The following OTUD7A variants were observed in gnomAD, a reference collection of about 807,000 sequenced individuals.
The protein encoded by OTUD7A is OTU domain-containing protein 7A.
Under a neutral mutation model 65.7 loss-of-function variants are expected in OTUD7A, and 12 were observed. That is an observed-to-expected ratio of 0.18 (90% CI 0.12 to 0.30). The LOEUF is 0.30. Ranked by LOEUF, OTUD7A falls within the 10% of genes least tolerant of loss-of-function variation. The pLI is 1.00. For missense variants in OTUD7A, 1,148 were observed against 1,304.8 expected, an observed-to-expected ratio of 0.88 and a Z score of 1.85; for synonymous variants, 641 against 586.3, an observed-to-expected ratio of 1.09 and a Z score of -1.35.
intron 1 of OTUD7A, among the ~76,000 whole-genome samples, chr15:31,769,459 A>G (rs1436058555): frequency 6.6e-6 from 1 of 152,232 alleles, no homozygotes; most frequent in African/African-American, 2.4e-5. Context: ...TCTCATTCAT[A>G]GATACTTATT....
intron 8 of OTUD7A, among the ~76,000 whole-genome samples, chr15:31,523,876 G>A (rs1192045352): frequency 6.6e-6 from 1 of 152,256 alleles, no homozygotes; most frequent in East Asian, 1.9e-4. Context: ...TCTTGGAGCA[G>A]GTGAGCTCTG....
chr15:31,863,240 G>A (rs1595823126), intron 1 of OTUD7A, among the ~76,000 whole-genome samples: 2 of 152,312 alleles, frequency 1.3e-5, no homozygotes, highest in Middle Eastern at 3.4e-3. Context: ...GGTGCACGGT[G>A]CAAAGTGTTG....
At chr15:31,604,684 G>A (rs993082473) in intron 3 of OTUD7A, among the ~76,000 whole-genome samples, 1 of 152,228 alleles carries the variant, frequency 6.6e-6, no homozygotes, top group East Asian at 1.9e-4. Context: ...TACATAAAGT[G>A]CATTAAGTTA....
chr15:31,751,997 C>T (rs11637394), intron 1 of OTUD7A, among the ~76,000 whole-genome samples: 45,190 of 151,964 alleles, frequency 0.3, 7,056 homozygotes, highest in African/African-American at 0.39. Flanking sequence ...CCCAGCATCA[C>T]ACAATATACC....
At chr15:31,629,034 G>C (rs1376729080) in intron 3 of OTUD7A, among the ~76,000 whole-genome samples, 1 of 152,080 alleles carries the variant, frequency 6.6e-6, no homozygotes, top group African/African-American at 2.4e-5. Context: ...CATGTCATCT[G>C]CAAACAGGGA....
At chr15:31,756,978 CAGG>C (rs1437515304) in intron 1 of OTUD7A, among the ~76,000 whole-genome samples, 2 of 152,136 alleles carry the variant, frequency 1.3e-5, no homozygotes, top group Non-Finnish European at 2.9e-5. Context: ...TTCCTCAAAG[CAGG>C]AGATCTCTCC....
Position 31,503,818 on chromosome 15 carries a change from A to G in OTUD7A, c.894T>C (p.Gly298=). The G allele has an allele frequency of 6.2e-7, 1 of 1,614,176 alleles. No individual in the cohort carries two copies. The highest frequency in any genetic ancestry group is 8.5e-7 in the Non-Finnish European group (1 of 1,180,036). ...HFSKNGGTGG[G]VDNSEDPVYE... Reference sequence around the variant, plus strand: ...ACACGGGGTCCTCAGAGTTGTCCACACTGTGAAACAAAACAGAGCCAGCTG... The same window carrying G: ...ACACGGGGTCCTCAGAGTTGTCCACGCTGTGAAACAAAACAGAGCCAGCTG... The change falls in exon 9 of 13, where the codon GGT becomes GGC. Residue 298 remains glycine, a splice_region_variant and synonymous_variant. Transcript: ENST00000307050.
chr15:31,676,948 C>T lies in OTUD7A; in HGVS notation c.-99-19871G>A, dbSNP rs35885123. ...ATAGGTGAATACATTTATGACCTTG[C>T]GGTAATAAAGTGTGCTGGAGACCCT... is the stretch of plus-strand genomic sequence containing the variant. On this transcript the variant is annotated intron_variant, in intron 1 of 12. Coordinates refer to ENST00000307050, the MANE Select transcript of OTUD7A (RefSeq NM_001382637.1). 6.0e-3 allele frequency among the ~76,000 whole-genome samples: 921 copies of T among 152,272 alleles called. 10 individuals carry two copies. Among genetic ancestry groups the T allele is most frequent in the African/African-American group, 0.02 (845 of 41,544 alleles).
intron 1 of OTUD7A, among the ~76,000 whole-genome samples, chr15:31,842,712 A>G (rs28435387): frequency 6.6e-6 from 1 of 152,138 alleles, no homozygotes; most frequent in African/African-American, 2.4e-5. Context: ...AACTGTGACA[A>G]AACCCTGACC....
chr15:31,678,244 A>G (rs1892636643), intron 1 of OTUD7A, among the ~76,000 whole-genome samples: 1 of 152,236 alleles, frequency 6.6e-6, no homozygotes, highest in Admixed American at 6.5e-5. Flanking sequence ...TGGAATTGGA[A>G]CTTATGTTTA....
At chr15:31,551,568 A>G (rs1888325310) in intron 5 of OTUD7A, among the ~76,000 whole-genome samples, 1 of 152,242 alleles carries the variant, frequency 6.6e-6, no homozygotes, top group South Asian at 2.1e-4. Flanking sequence ...TGATAATGGG[A>G]CCAATTAACT....
At chr15:31,640,711 A>G (rs1409701767) in intron 3 of OTUD7A, among the ~76,000 whole-genome samples, 1 of 152,324 alleles carries the variant, frequency 6.6e-6, no homozygotes, top group South Asian at 2.1e-4. Flanking sequence ...CTACATTAAA[A>G]AAACTACTTT....
chr15:31,823,519 A>G (rs985085054), intron 1 of OTUD7A, among the ~76,000 whole-genome samples: 2 of 152,264 alleles, frequency 1.3e-5, no homozygotes, highest in Non-Finnish European at 2.9e-5. Flanking sequence ...GAGAGTCGCC[A>G]TATCTGTTAC....
intron 1 of OTUD7A, chr15:31,766,821 T>C (rs1184478827): frequency 1.2e-6 from 2 of 1,612,342 alleles, no homozygotes; most frequent in African/African-American, 1.3e-5. Flanking sequence ...CTAAAAACAG[T>C]TTATTATTTT....
At chr15:31,709,296 T>TC (rs1216656801) in intron 1 of OTUD7A, among the ~76,000 whole-genome samples, 1 of 152,082 alleles carries the variant, frequency 6.6e-6, no homozygotes, top group Admixed American at 6.5e-5. Context: ...GCATGAGCAC[T>TC]CACAGGAAAG....
At chr15:31,571,062 C>T (rs1174208684) in intron 3 of OTUD7A, among the ~76,000 whole-genome samples, 1 of 152,058 alleles carries the variant, frequency 6.6e-6, no homozygotes, top group African/African-American at 2.4e-5. Context: ...AGAAATGATG[C>T]ATGTTTGAGG....
chr15:31,778,061 G>A (rs760149378), intron 1 of OTUD7A, among the ~76,000 whole-genome samples: 2 of 152,214 alleles, frequency 1.3e-5, no homozygotes, highest in Middle Eastern at 3.4e-3. Context: ...CTCCAGAAGA[G>A]GCCTGGGCTG....
chr15:31,673,925 C>G (rs1892540366), intron 1 of OTUD7A, among the ~76,000 whole-genome samples: 1 of 152,180 alleles, frequency 6.6e-6, no homozygotes, highest in Non-Finnish European at 1.5e-5. Flanking sequence ...GTCTTAACAT[C>G]ACCACAAGCT....
chr15:31,791,760 T>G (rs1009873125), intron 1 of OTUD7A, among the ~76,000 whole-genome samples: 6 of 152,124 alleles, frequency 3.9e-5, no homozygotes, highest in African/African-American at 7.2e-5. Flanking sequence ...AACATGGCCT[T>G]CCTTTGGCTG....
Sources: gnomAD v4.1 joint callset for allele counts (sites outside exome capture counted in the v4.1 genomes callset) on GRCh38, gnomAD v4.1.1 for gene constraint, MANE v1.5 for transcripts, NCBI Gene and HGNC (gene_info 2026-07-23, HGNC 2026-07-21) for gene names.